The following VAV2 variants were observed in gnomAD, a reference collection of about 807,000 sequenced individuals.
The protein encoded by VAV2 is guanine nucleotide exchange factor VAV2.
Under a neutral mutation model 132.5 loss-of-function variants are expected in VAV2, and 67 were observed. The observed-to-expected ratio is 0.51, with a 90% CI of 0.42 to 0.62. The LOEUF is 0.62. VAV2 is among the 20% of genes least tolerant of loss of function. The pLI, the probability that VAV2 is intolerant of heterozygous loss-of-function variation, is 0.00. For synonymous variants in VAV2, 492 were observed against 443.5 expected, an observed-to-expected ratio of 1.11 and a Z score of -1.37; for missense variants, 938 against 1,153.6, an observed-to-expected ratio of 0.81 and a Z score of 2.71.
chr9:133,982,451 ACT>A (rs1322521196), intron 1 of VAV2, among the ~76,000 whole-genome samples: 1 of 124,222 alleles, frequency 8.1e-6, no homozygotes, highest in East Asian at 2.0e-4. Context: ...GGCATGGCAG[ACT>A]CTGGCTGGCA....
chr9:133,852,480 A>G (rs905267158), intron 3 of VAV2, among the ~76,000 whole-genome samples: 1 of 152,090 alleles, frequency 6.6e-6, no homozygotes, highest in Non-Finnish European at 1.5e-5. Flanking sequence ...TGAGCCAGAG[A>G]AGTATTCTCA....
intron 16 of VAV2, 139 bp from the exon 17 acceptor site, chr9:133,786,024 AC>A: frequency 3.9e-6 from 3 of 772,526 alleles, no homozygotes. Context: ...CTGTGTGAAC[AC>A]ATGTTCTCAC....
At chr9:133,923,026 G>A (rs559833850) in intron 2 of VAV2, among the ~76,000 whole-genome samples, 1 of 152,228 alleles carries the variant, frequency 6.6e-6, no homozygotes, top group African/African-American at 2.4e-5. Context: ...TTTTAAAGTG[G>A]GCAAAAGACT....
At chr9:133,886,373 CT>C (rs1278541119) in intron 2 of VAV2, among the ~76,000 whole-genome samples, 1 of 152,184 alleles carries the variant, frequency 6.6e-6, no homozygotes, top group African/African-American at 2.4e-5. Context: ...CAGGGAGGTC[CT>C]TTATAATTCA....
At chr9:133,803,728 G>C (rs891374062) in intron 9 of VAV2, among the ~76,000 whole-genome samples, 1 of 152,140 alleles carries the variant, frequency 6.6e-6, no homozygotes, top group Non-Finnish European at 1.5e-5. Flanking sequence ...CTTCACCCCC[G>C]ACGAGCTGCC....
In VAV2 at chr9:133,939,167, A is replaced by T. The variant is rs1174175420; in HGVS notation, c.257T>A (p.Phe86Tyr). The change falls in exon 2 of 30, where the codon TTT becomes TAT. Residue 86 changes from phenylalanine (F) to tyrosine (Y), a missense_variant. By Grantham distance (22) the Phe-to-Tyr change is conservative. Transcript: ENST00000371850. ...AAACAGCTCGCTGTTCCTTAATCCA[A>T]ATTTATCGTGGCAGACTTTCAGGAA... The part of the protein sequence containing the change: ...RTFLKVCHDK[F>Y]GLRNSELFDP... 1.9e-6 allele frequency: 3 copies of T among 1,614,242 alleles called. No homozygotes were observed. The East Asian group carries it at 6.7e-5, about 36-fold the overall frequency.
chr9:133,819,569 A>G (rs1835705654), intron 4 of VAV2, among the ~76,000 whole-genome samples: 1 of 152,048 alleles, frequency 6.6e-6, no homozygotes, highest in Admixed American at 6.6e-5. Context: ...CTTCCATCCA[A>G]TGTCAGTTAT....
chr9:133,915,991 CAT>C (rs1011553424), intron 2 of VAV2, among the ~76,000 whole-genome samples: 25 of 152,032 alleles, frequency 1.6e-4, no homozygotes, highest in Admixed American at 3.3e-4. Flanking sequence ...ACGATGCACA[CAT>C]GATATACATG....
intron 1 of VAV2, among the ~76,000 whole-genome samples, chr9:133,977,986 C>A (rs1013602901): frequency 1.9e-5 from 2 of 103,638 alleles, no homozygotes; most frequent in Non-Finnish European, 3.8e-5. Flanking sequence ...CGTCCACCTG[C>A]CCTAGGGCAC....
chr9:133,791,230 G>A (rs144296330), intron 13 of VAV2, among the ~76,000 whole-genome samples: 6,101 of 152,276 alleles, frequency 0.04, 170 homozygotes, highest in Non-Finnish European at 0.062. Flanking sequence ...TGACTGACTC[G>A]GTAGCCCAAG....
At chr9:133,865,225 G>A (rs1220270271) in intron 2 of VAV2, among the ~76,000 whole-genome samples, 1 of 152,124 alleles carries the variant, frequency 6.6e-6, no homozygotes, top group African/African-American at 2.4e-5. Flanking sequence ...ACAGGGCCAG[G>A]AAGAAAAAGG....
chr9:133,808,407 T>G (rs1835235763), intron 7 of VAV2, among the ~76,000 whole-genome samples: 1 of 152,208 alleles, frequency 6.6e-6, no homozygotes, highest in Admixed American at 6.5e-5. Context: ...CAGTTGGCAA[T>G]GAAGACTCAG....
intron 8 of VAV2, among the ~76,000 whole-genome samples, chr9:133,806,753 G>A (rs1564365820): frequency 1.3e-5 from 2 of 152,336 alleles, no homozygotes; most frequent in South Asian, 4.1e-4. Flanking sequence ...TGGCACCTGT[G>A]GCCGCCAGGC....
chr9:133,977,706 T>A (rs1842558543), intron 1 of VAV2, among the ~76,000 whole-genome samples: 1 of 152,152 alleles, frequency 6.6e-6, no homozygotes, highest in African/African-American at 2.4e-5. Flanking sequence ...AGCCTGCCCC[T>A]CAACACGCAG....
intron 2 of VAV2, among the ~76,000 whole-genome samples, chr9:133,874,853 G>A (rs142842932): frequency 0.013 from 2,011 of 152,298 alleles, 43 homozygotes; most frequent in Admixed American, 0.055. Context: ...TGTCCAGGCA[G>A]GAAGTGGGGC....
Position 133,770,267 on chromosome 9 carries a change from A to C in VAV2, c.2347+111T>G. 5 of 1,520,688 alleles carry C rather than the reference A, an allele frequency of 3.3e-6. No individual in the cohort carries two copies. In the Admixed American group the frequency reaches 9.5e-5, roughly 29 times the overall value. The allele number at this position is 1,520,688 out of a possible 1,614,324, so 94.2% of individuals were successfully genotyped here. Reference sequence around the variant, plus strand: ...GGGAGGGGCGGGGGCTGTGTTCCCCAGGGTGGGACTCCTGGTCTGGGTCTG... The same window carrying C: ...GGGAGGGGCGGGGGCTGTGTTCCCCCGGGTGGGACTCCTGGTCTGGGTCTG... On this transcript the variant is annotated intron_variant, in intron 27 of 29. Coordinates refer to ENST00000371850, the MANE Select transcript of VAV2 (RefSeq NM_001134398.2).
At chr9:133,812,011 G>C (rs898444396) in intron 5 of VAV2, 103 bp downstream of exon 5, 6 of 1,202,938 alleles carry the variant, frequency 5.0e-6, no homozygotes, top group Non-Finnish European at 6.0e-6. Flanking sequence ...GCTCCCCTTC[G>C]GTGGCTCAGA....
rs1357612394 is a variant in VAV2, at chr9:133,857,747, G to C, written c.380+3627C>G. On this transcript the variant is annotated intron_variant, in intron 3 of 29. Transcript: ENST00000371850. The surrounding 1 kb of genome is among the most constrained non-coding windows in gnomAD (Gnocchi z 4.0). ...GCCACCAAGTGGGGCTGCCTGGGAG[G>C]GTTGCCTGTCACCTGTCTCCTGAGC... is the stretch of plus-strand genomic sequence containing the variant. 2.0e-5 allele frequency among the ~76,000 whole-genome samples: 3 copies of C among 152,206 alleles called. No homozygotes were observed. Among genetic ancestry groups the C allele is most frequent in the Non-Finnish European group, 4.4e-5 (3 of 68,044 alleles).
intron 1 of VAV2, among the ~76,000 whole-genome samples, chr9:133,956,487 CCAA>C (rs1303676760): frequency 3.3e-5 from 5 of 151,774 alleles, no homozygotes; most frequent in Non-Finnish European, 5.9e-5. Context: ...TGTTTTTTTT[CCAA>C]CGAGTAGACA....
Sources: allele counts gnomAD v4.1 joint callset (sites outside exome capture counted in the v4.1 genomes callset), GRCh38; gene constraint gnomAD v4.1.1; non-coding constraint Gnocchi (gnomAD v3.1); transcripts MANE v1.5; gene names NCBI Gene and HGNC (gene_info 2026-07-23, HGNC 2026-07-21).